ZNF385D: variants seen among roughly 807,000 people sequenced by gnomAD.
ZNF385D encodes the protein zinc finger protein 659.
Under a neutral mutation model 35.8 loss-of-function variants are expected in ZNF385D, and 15 were observed. The ratio of observed to expected loss-of-function variants is 0.42; its 90% confidence interval spans 0.28 to 0.64. The LOEUF is 0.64. Ranked by LOEUF, ZNF385D falls within the 30% of genes least tolerant of loss-of-function variation. The pLI is 0.23. For synonymous variants in ZNF385D, 212 were observed against 186.8 expected, an observed-to-expected ratio of 1.13 and a Z score of -1.10; for missense variants, 474 against 494.6, an observed-to-expected ratio of 0.96 and a Z score of 0.39.
intron 3 of ZNF385D, among the ~76,000 whole-genome samples, chr3:22,042,397 T>C (rs933337829): frequency 3.3e-5 from 5 of 152,106 alleles, no homozygotes; most frequent in Non-Finnish European, 7.4e-5. Context: ...TTCTTTGCCA[T>C]GCATGTAGAT....
At chr3:21,698,023 T>G (rs971249909) in intron 1 of ZNF385D, among the ~76,000 whole-genome samples, 1 of 152,132 alleles carries the variant, frequency 6.6e-6, no homozygotes, top group East Asian at 1.9e-4. Context: ...GCAACCTCTA[T>G]GGAAAACAGT....
chr3:21,651,265 G>A (rs1329736953), intron 2 of ZNF385D, among the ~76,000 whole-genome samples: 1 of 139,022 alleles, frequency 7.2e-6, no homozygotes, highest in Non-Finnish European at 1.5e-5. Context: ...TCCAGCCTGG[G>A]CGACAGAGCG....
intron 3 of ZNF385D, among the ~76,000 whole-genome samples, chr3:22,066,257 AC>A (rs1229493000): frequency 1.1e-4 from 16 of 152,098 alleles, no homozygotes; most frequent in Admixed American, 1.0e-3. Context: ...GTTTGGAAAG[AC>A]CAAAAAATGA....
chr3:21,547,889 G>T (rs1325268593), intron 3 of ZNF385D, among the ~76,000 whole-genome samples: 4 of 152,104 alleles, frequency 2.6e-5, no homozygotes, highest in Non-Finnish European at 5.9e-5. Flanking sequence ...GGGATTACAG[G>T]TGTGAGCCAA....
chr3:21,901,937 T>C (rs9860705), intron 3 of ZNF385D, among the ~76,000 whole-genome samples: 2,603 of 152,220 alleles, frequency 0.017, 78 homozygotes, highest in African/African-American at 0.058. Context: ...AGTTCCCTTG[T>C]TTCCTCGTAT....
chr3:22,273,481 C>G (rs1701278918), intron 2 of ZNF385D, among the ~76,000 whole-genome samples: 1 of 151,722 alleles, frequency 6.6e-6, no homozygotes, highest in Non-Finnish European at 1.5e-5. Flanking sequence ...GGGTAGAGGC[C>G]AGAGAAGATG....
At chr3:22,238,791 G>A (rs1299850434) in intron 2 of ZNF385D, among the ~76,000 whole-genome samples, 4 of 150,782 alleles carry the variant, frequency 2.7e-5, no homozygotes, top group Non-Finnish European at 2.9e-5. Flanking sequence ...GAGGTATAGT[G>A]TTGTGAACAG....
intron 2 of ZNF385D, among the ~76,000 whole-genome samples, chr3:22,259,144 T>G (rs2125340826): frequency 6.6e-6 from 1 of 152,020 alleles, no homozygotes; most frequent in Non-Finnish European, 1.5e-5. Context: ...ACATCATGTA[T>G]CTCTCATTTG....
At chr3:22,038,910 ATTTT>A (rs948008665) in intron 3 of ZNF385D, among the ~76,000 whole-genome samples, 35 of 149,778 alleles carry the variant, frequency 2.3e-4, no homozygotes, top group African/African-American at 7.3e-4. Flanking sequence ...AAACATATAT[ATTTT>A]TTATTATAAC....
chr3:22,185,736 G>C (rs546694264), intron 2 of ZNF385D, among the ~76,000 whole-genome samples: 1 of 152,160 alleles, frequency 6.6e-6, no homozygotes, highest in African/African-American at 2.4e-5. Flanking sequence ...AAAGTGCTGG[G>C]ATTACAGGTG....
At chr3:21,981,607 T>C (rs1477496545) in intron 3 of ZNF385D, among the ~76,000 whole-genome samples, 2 of 152,204 alleles carry the variant, frequency 1.3e-5, no homozygotes. Flanking sequence ...TTGCAATTGC[T>C]TTTGGTGTCT....
chr3:21,525,360 T>C (rs1253552125), intron 3 of ZNF385D, among the ~76,000 whole-genome samples: 3 of 152,032 alleles, frequency 2.0e-5, no homozygotes, highest in Non-Finnish European at 4.4e-5. Flanking sequence ...CCGTTAGCAC[T>C]GAGGAAGAAA....
At chr3:21,827,120 T>C (rs1365867589) in intron 3 of ZNF385D, among the ~76,000 whole-genome samples, 1 of 152,208 alleles carries the variant, frequency 6.6e-6, no homozygotes, top group African/African-American at 2.4e-5. Context: ...AATTAGGTCA[T>C]ACATGCAATA....
intron 1 of ZNF385D, among the ~76,000 whole-genome samples, chr3:21,712,484 T>A (rs554694449): frequency 8.6e-4 from 131 of 152,344 alleles, no homozygotes; most frequent in Middle Eastern, 3.4e-3. Context: ...ATCTGTAACA[T>A]CTTTGTATAC....
In ZNF385D at chr3:22,239,598, G is replaced by A. The variant is rs1466380624; in HGVS notation, c.107-70563C>T. Reference sequence around the variant, plus strand: ...GCAGACTATTCCTGTATTTTATTTAGGTTTTACCCTTTGATTTCATCTTCA... The same window carrying A: ...GCAGACTATTCCTGTATTTTATTTAAGTTTTACCCTTTGATTTCATCTTCA... On this transcript the variant is annotated intron_variant, in intron 2 of 5. Transcript: ENST00000494108. Among the ~76,000 whole-genome samples, 3 of 150,374 alleles carry A rather than the reference G, an allele frequency of 2.0e-5. 1 individual carries two copies. Among genetic ancestry groups the A allele is most frequent in the Non-Finnish European group, 4.4e-5 (3 of 67,882 alleles).
In ZNF385D at chr3:21,539,095, A is replaced by T. The variant is rs938740480; in HGVS notation, c.276+25479T>A. On this transcript the variant is annotated intron_variant, in intron 3 of 7. Coordinates refer to ENST00000281523, the MANE Select transcript of ZNF385D (RefSeq NM_024697.3). This position sits in a 1 kb window ranked among gnomAD's most constrained non-coding sequence, Gnocchi z 4.0. ...AATACGGAACAAAGGGAGTGGGTGC[A>T]GCAAAATATTCAAGTTAATTTTTAA... is the stretch of plus-strand genomic sequence containing the variant. 6.6e-6 allele frequency among the ~76,000 whole-genome samples: 1 copy of T among 152,060 alleles called. No homozygotes were observed. Among genetic ancestry groups the T allele is most frequent in the Non-Finnish European group, 1.5e-5 (1 of 68,026 alleles).
At chr3:22,255,437 G>A (rs1285705612) in intron 2 of ZNF385D, among the ~76,000 whole-genome samples, 3 of 151,512 alleles carry the variant, frequency 2.0e-5, no homozygotes, top group Non-Finnish European at 4.4e-5. Flanking sequence ...AACATTTTGG[G>A]GATTCTTTTC....
chr3:22,046,640 A>G (rs558713937), intron 3 of ZNF385D, among the ~76,000 whole-genome samples: 1 of 152,248 alleles, frequency 6.6e-6, no homozygotes, highest in African/African-American at 2.4e-5. Context: ...ATTGAGATTT[A>G]TTGAATTACA....
At chr3:21,544,956 G>A (rs935098377) in intron 3 of ZNF385D, among the ~76,000 whole-genome samples, 5 of 152,128 alleles carry the variant, frequency 3.3e-5, no homozygotes, top group Admixed American at 6.5e-5. Context: ...ACGTGTTCAC[G>A]TATACAGGAT....
Sources: allele counts gnomAD v4.1 joint callset (sites outside exome capture counted in the v4.1 genomes callset), GRCh38; gene constraint gnomAD v4.1.1; non-coding constraint Gnocchi (gnomAD v3.1); transcripts MANE v1.5; gene names NCBI Gene and HGNC (gene_info 2026-07-23, HGNC 2026-07-21).